Variants in DCTN4 observed in about 807,000 individuals in gnomAD.
The protein encoded by DCTN4 is dynactin 4 (p62).
A neutral mutation model predicts 62.7 loss-of-function variants in DCTN4; 23 were observed. That is an observed-to-expected ratio of 0.37 (90% CI 0.26 to 0.52). The LOEUF is 0.52. Among genes scored for constraint, DCTN4 ranks in the 20% least tolerant of loss-of-function variants. The pLI is 0.92. For synonymous variants in DCTN4, 199 were observed against 202.1 expected (o/e 0.98, Z 0.13); for missense variants, 514 against 580.4 (o/e 0.89, Z 1.18).
intron 3 of DCTN4, among the ~76,000 whole-genome samples, chr5:150,753,231 T>G (rs1752741253): frequency 6.6e-6 from 1 of 152,202 alleles, no homozygotes; most frequent in African/African-American, 2.4e-5. Flanking sequence ...GCATTAATAT[T>G]TTGATTCCAA....
At chr5:150,717,598 G>A (rs1438966988) in intron 11 of DCTN4, among the ~76,000 whole-genome samples, 1 of 152,178 alleles carries the variant, frequency 6.6e-6, no homozygotes, top group Admixed American at 6.5e-5. Flanking sequence ...GAATCTAGAG[G>A]AGGCATACCA....
At chr5:150,736,711 A>C (rs114323404) in intron 4 of DCTN4, among the ~76,000 whole-genome samples, 1,686 of 152,274 alleles carry the variant, frequency 0.011, 30 homozygotes, top group African/African-American at 0.037. Context: ...GAAAAAAAAA[A>C]TCTAAGTATT....
In DCTN4 at chr5:150,731,155, G is replaced by A; in HGVS notation, c.613C>T (p.Leu205Phe). 1 of 1,597,462 alleles carries A rather than the reference G, an allele frequency of 6.3e-7. No homozygotes were observed. The highest frequency in any genetic ancestry group is 1.3e-5 in the African/African-American group (1 of 74,304). Residue 205 changes from leucine (L) to phenylalanine (F), a missense_variant and splice_region_variant, in exon 7 of 13, where the codon CTT becomes TTT. Coordinates refer to ENST00000447998, the MANE Select transcript of DCTN4 (RefSeq NM_016221.4). ...TCTTTCTGATCCTCTCCTTCTTTAAGGCTGAAAAATTAAAAAAACAAAACA... is the reference window on the plus strand; with the variant it reads ...TCTTTCTGATCCTCTCCTTCTTTAAAGCTGAAAAATTAAAAAAACAAAACA... The part of the protein sequence containing the change: ...ASISTLAGLS[L>F]KEGEDQKEIK...
chr5:150,754,854 T>G (rs1456591145), intron 2 of DCTN4, among the ~76,000 whole-genome samples: 1 of 152,058 alleles, frequency 6.6e-6, no homozygotes, highest in Non-Finnish European at 1.5e-5. Flanking sequence ...TCTCAGCTAC[T>G]CAGGAGGCTG....
chr5:150,722,817 C>A, intron 9 of DCTN4, 90 bp downstream of exon 9: 4 of 896,646 alleles, frequency 4.5e-6, no homozygotes, highest in South Asian at 1.7e-5. Context: ...TTTTTTTAGG[C>A]CAAGAGTAAA....
At chr5:150,744,540 G>A (rs1174373887) in intron 3 of DCTN4, among the ~76,000 whole-genome samples, 1 of 152,162 alleles carries the variant, frequency 6.6e-6, no homozygotes, top group African/African-American at 2.4e-5. Context: ...CAGCCAGAGA[G>A]AAAGGTCAGG....
intron 3 of DCTN4, among the ~76,000 whole-genome samples, chr5:150,749,016 C>T (rs1284253471): frequency 6.6e-6 from 1 of 151,756 alleles, no homozygotes; most frequent in Non-Finnish European, 1.5e-5. Flanking sequence ...TAGAAGAAAA[C>T]ATGGGTAGAT....
In DCTN4 at chr5:150,711,112, A is replaced by T. The variant is rs201920711; in HGVS notation, c.*37T>A. ...CACATTTTAACGCAGGTTTACGGTGATACTGTCCTTTGGGATCTGCCCTCC... is the reference window on the plus strand; with the variant it reads ...CACATTTTAACGCAGGTTTACGGTGTTACTGTCCTTTGGGATCTGCCCTCC... On this transcript the variant is annotated 3_prime_UTR_variant, in exon 13 of 13. Coordinates refer to ENST00000447998, the MANE Select transcript of DCTN4 (RefSeq NM_016221.4). 1.3e-3 allele frequency: 1,989 copies of T among 1,589,122 alleles called. 11 individuals are homozygous for T. The highest frequency in any genetic ancestry group is 4.1e-4 in the Non-Finnish European group (474 of 1,159,290).
At chr5:150,753,241 A>G (rs970827536) in intron 3 of DCTN4, among the ~76,000 whole-genome samples, 2 of 152,226 alleles carry the variant, frequency 1.3e-5, no homozygotes, top group African/African-American at 4.8e-5. Context: ...TTTGATTCCA[A>G]GAAAGTACCA....
intron 8 of DCTN4, among the ~76,000 whole-genome samples, chr5:150,729,601 G>GA (rs1255871295): frequency 3.5e-5 from 5 of 144,268 alleles, no homozygotes; most frequent in Non-Finnish European, 7.5e-5. Context: ...TCCTAAAAAA[G>GA]AAAAAATACT....
At chr5:150,758,783 C>A (rs1752954186) in intron 1 of DCTN4, 76 bp downstream of exon 1, 1 of 1,571,486 alleles carries the variant, frequency 6.4e-7, no homozygotes, top group East Asian at 2.3e-5. Flanking sequence ...ATAGCTCCAG[C>A]CTTCCGGTGG....
intron 5 of DCTN4, chr5:150,731,814 C>T (rs183181764): frequency 2.5e-5 from 34 of 1,379,322 alleles, no homozygotes; most frequent in African/African-American, 1.0e-4. Context: ...ACACAACAGA[C>T]GTCTTCCTGG....
At position 150,742,095 on chromosome 5, in the gene DCTN4, CTT is replaced by C. The variant is rs763736413; in HGVS notation, c.429+17_429+18del. ...TTTTTTCCGATTTCATCCTCTCTCTCTTATGACCCTTTACTTACCCGTTGTGT... is the reference window on the plus strand; with the variant it reads ...TTTTTTCCGATTTCATCCTCTCTCTCATGACCCTTTACTTACCCGTTGTGT... On this transcript the variant is annotated intron_variant, in intron 4 of 12. Coordinates refer to ENST00000447998, the MANE Select transcript of DCTN4 (RefSeq NM_016221.4). The C allele has an allele frequency of 6.8e-6, 11 of 1,612,840 alleles. No homozygotes were observed. Among genetic ancestry groups the C allele is most frequent in the African/African-American group, 1.3e-5 (1 of 74,890 alleles).
At chr5:150,756,292 G>A (rs1008171015) in intron 2 of DCTN4, 125 bp downstream of exon 2, 17 of 546,806 alleles carry the variant, frequency 3.1e-5, no homozygotes, top group Non-Finnish European at 5.3e-5. Flanking sequence ...CCCTGCCTCC[G>A]CCTCCCAAAG....
intron 2 of DCTN4, among the ~76,000 whole-genome samples, chr5:150,754,449 C>G (rs1561712588): frequency 6.6e-6 from 1 of 152,146 alleles, no homozygotes; most frequent in Non-Finnish European, 1.5e-5. Context: ...ATCTGGTTAT[C>G]AGGGGTTACT....
At chr5:150,746,836 T>C (rs1430084210) in intron 3 of DCTN4, among the ~76,000 whole-genome samples, 1 of 152,208 alleles carries the variant, frequency 6.6e-6, no homozygotes, top group African/African-American at 2.4e-5. Flanking sequence ...AATATCATAC[T>C]GAATGGGCAA....
chr5:150,723,021 A>G, intron 8 of DCTN4, 41 bp from the exon 9 acceptor site: 1 of 1,440,390 alleles, frequency 6.9e-7, no homozygotes, highest in Non-Finnish European at 9.7e-7. Context: ...GAAGACAACA[A>G]CACACTTTGT....
chr5:150,723,495 G>T (rs183796859), intron 8 of DCTN4, among the ~76,000 whole-genome samples: 1 of 152,154 alleles, frequency 6.6e-6, no homozygotes, highest in Non-Finnish European at 1.5e-5. Context: ...TTGAGATAGG[G>T]TATCACTCTG....
intron 8 of DCTN4, among the ~76,000 whole-genome samples, chr5:150,723,412 G>T (rs1275804668): frequency 6.6e-6 from 1 of 152,182 alleles, no homozygotes; most frequent in African/African-American, 2.4e-5. Flanking sequence ...CAATAAAAAT[G>T]GACACTGGGA....
Sources: allele counts gnomAD v4.1 joint callset (sites outside exome capture counted in the v4.1 genomes callset), GRCh38; gene constraint gnomAD v4.1.1; transcripts MANE v1.5; gene names NCBI Gene and HGNC (gene_info 2026-07-23, HGNC 2026-07-21).